Variants in SAMD12 observed in about 807,000 individuals in gnomAD.
SAMD12 encodes the protein sterile alpha motif domain containing 12, also known as sterile alpha motif domain-containing protein 12.
In SAMD12, 9 loss-of-function variants were observed where a neutral mutation model predicts 15.0. That is an observed-to-expected ratio of 0.60 (90% CI 0.36 to 1.05). SAMD12 has a LOEUF of 1.05. Ranked by LOEUF, SAMD12 falls within the 50% of genes least tolerant of loss-of-function variation. The probability of loss-of-function intolerance (pLI) is 0.01; values close to 1 mark genes in which losing one functional copy is unlikely to be tolerated. For synonymous variants in SAMD12, 86 were observed against 90.1 expected (o/e 0.96, Z 0.25); for missense variants, 230 against 234.2 (o/e 0.98, Z 0.12).
chr8:118,157,938 C>A, the SAMD12 span, among the ~76,000 whole-genome samples: 2 of 152,190 alleles, frequency 1.3e-5, no homozygotes, highest in African/African-American at 2.4e-5. Context: ...TGAGCCTTAT[C>A]ATTGCTCCAG....
chr8:118,463,422 A>G (rs1189144536), intron 2 of SAMD12, among the ~76,000 whole-genome samples: 1 of 152,114 alleles, frequency 6.6e-6, no homozygotes, highest in Admixed American at 6.6e-5. Flanking sequence ...GGCACATGTG[A>G]CATTCAGCAT....
chr8:118,538,892 T>C (rs1195838268), intron 2 of SAMD12, among the ~76,000 whole-genome samples: 3 of 152,240 alleles, frequency 2.0e-5, no homozygotes, highest in Non-Finnish European at 4.4e-5. Context: ...TCTATTTGTA[T>C]GTTCTTTTTT....
intron 2 of SAMD12, among the ~76,000 whole-genome samples, chr8:118,465,354 ATTTAT>A (rs946753343): frequency 6.6e-6 from 1 of 152,148 alleles, no homozygotes; most frequent in African/African-American, 2.4e-5. Flanking sequence ...AACAAGCAAC[ATTTAT>A]TTTATTTTCT....
intron 2 of SAMD12, among the ~76,000 whole-genome samples, chr8:118,499,240 G>T (rs1300748630): frequency 2.0e-5 from 3 of 152,178 alleles, no homozygotes; most frequent in Admixed American, 6.5e-5. Flanking sequence ...GACTGCTCCA[G>T]CCTGAGTGTG....
intron 2 of SAMD12, among the ~76,000 whole-genome samples, chr8:118,563,983 T>C (rs1826778901): frequency 6.6e-6 from 1 of 152,158 alleles, no homozygotes; most frequent in African/African-American, 2.4e-5. Context: ...TGTAAATAAC[T>C]TCATTGTGCT....
chr8:118,559,525 G>C (rs1272672285), intron 2 of SAMD12, among the ~76,000 whole-genome samples: 1 of 152,130 alleles, frequency 6.6e-6, no homozygotes, highest in Non-Finnish European at 1.5e-5. Context: ...ACACTTATTA[G>C]GATTTTTATT....
chr8:118,549,898 C>T (rs1432290314), intron 2 of SAMD12, among the ~76,000 whole-genome samples: 2 of 151,666 alleles, frequency 1.3e-5, no homozygotes, highest in Non-Finnish European at 2.9e-5. Context: ...CCTCAGGAGC[C>T]GATGCGATCA....
intron 1 of SAMD12, among the ~76,000 whole-genome samples, chr8:118,618,872 A>T (rs558245868): frequency 6.6e-6 from 1 of 150,906 alleles, no homozygotes; most frequent in South Asian, 2.1e-4. Flanking sequence ...CAATGTTCCC[A>T]GGAGGAAAGC....
In SAMD12 at chr8:118,578,253, TAC is replaced by T. The variant is rs1827199730; in HGVS notation, c.192+2460_192+2461del. Among the ~76,000 whole-genome samples the T allele has an allele frequency of 3.3e-5, 5 of 152,316 alleles. No homozygotes were observed. In the South Asian group the frequency reaches 8.3e-4, roughly 25 times the overall value. On this transcript the variant is annotated intron_variant, in intron 2 of 3. Transcript: ENST00000314727. ...GAAAAATTATATCCCATTGCATTAA[TAC>T]ACAGTTTCTTTAGCCAGTGTCCTGT... is the stretch of plus-strand genomic sequence containing the variant.
At chr8:118,478,008 T>C (rs113558754) in intron 2 of SAMD12, among the ~76,000 whole-genome samples, 3,120 of 121,604 alleles carry the variant, frequency 0.026, 114 homozygotes, top group African/African-American at 0.087. Flanking sequence ...AGCGAGACCC[T>C]GTCTCAAAAA....
chr8:118,509,755 GTTTA>G (rs762974621), intron 2 of SAMD12, among the ~76,000 whole-genome samples: 1 of 152,084 alleles, frequency 6.6e-6, no homozygotes, highest in African/African-American at 2.4e-5. Flanking sequence ...TAATTTAAGT[GTTTA>G]TTTGATTTTT....
At chr8:118,545,191 G>A (rs186811421) in intron 2 of SAMD12, among the ~76,000 whole-genome samples, 1 of 152,182 alleles carries the variant, frequency 6.6e-6, no homozygotes, top group African/African-American at 2.4e-5. Flanking sequence ...CCCAGGCCAG[G>A]CACAGTGGCT....
intron 2 of SAMD12, among the ~76,000 whole-genome samples, chr8:118,446,592 C>A (rs1179873791): frequency 3.3e-5 from 5 of 152,112 alleles, no homozygotes; most frequent in Non-Finnish European, 7.4e-5. Flanking sequence ...CCCAGAAAAT[C>A]CACAGCATCC....
chr8:118,262,706 C>T (rs547994502), intron 4 of SAMD12, among the ~76,000 whole-genome samples: 2 of 152,156 alleles, frequency 1.3e-5, no homozygotes, highest in East Asian at 3.9e-4. Context: ...ATGACTTCTC[C>T]TTATGTCTTC....
intron 4 of SAMD12, among the ~76,000 whole-genome samples, chr8:118,304,508 C>T (rs1042376405): frequency 4.6e-5 from 7 of 152,158 alleles, no homozygotes; most frequent in East Asian, 1.9e-4. Context: ...CGCCTGTAAT[C>T]GCAGCACTTT....
In SAMD12 at chr8:118,378,508, AAT is replaced by A. The variant is rs1819499941; in HGVS notation, c.*907_*908del. Reference sequence around the variant, plus strand: ...TTGAAATCTATATTTATCCTTCTAGAATAGTCATCTTTCAGGGAGCACATTAT... The same window carrying A: ...TTGAAATCTATATTTATCCTTCTAGAAGTCATCTTTCAGGGAGCACATTAT... On this transcript the variant is annotated 3_prime_UTR_variant, in exon 4 of 4. Transcript: ENST00000314727. The A allele has an allele frequency of 9.1e-6, 9 of 984,466 alleles. No individual in the cohort carries two copies. Among genetic ancestry groups the A allele is most frequent in the Non-Finnish European group, 9.6e-6 (8 of 829,078 alleles). 61.0% of individuals were successfully genotyped at this position (984,466 alleles called of 1,614,324 possible). A position where few individuals can be genotyped will look rare whatever the true frequency, so the allele number is the denominator to read the frequency against.
the SAMD12 span, among the ~76,000 whole-genome samples, chr8:118,152,608 C>T: frequency 3.9e-5 from 6 of 152,166 alleles, no homozygotes; most frequent in African/African-American, 1.4e-4. Flanking sequence ...AAACAATCCT[C>T]CTGCCTCAGC....
chr8:118,443,163 G>T (rs1822807587), intron 2 of SAMD12, among the ~76,000 whole-genome samples: 1 of 152,164 alleles, frequency 6.6e-6, no homozygotes, highest in Admixed American at 6.5e-5. Context: ...TTTAGGCATA[G>T]ATTTTTAAGA....
the SAMD12 span, among the ~76,000 whole-genome samples, chr8:118,142,155 A>C: frequency 6.6e-6 from 1 of 152,162 alleles, no homozygotes; most frequent in Non-Finnish European, 1.5e-5. Context: ...GAGGCTGTGC[A>C]TCTCTCCCAG....
Sources: allele counts gnomAD v4.1 joint callset (sites outside exome capture counted in the v4.1 genomes callset), GRCh38; gene constraint gnomAD v4.1.1; transcripts MANE v1.5; gene names NCBI Gene and HGNC (gene_info 2026-07-23, HGNC 2026-07-21).